UNC13B: variants seen among roughly 807,000 people sequenced by gnomAD.
The protein encoded by UNC13B is protein unc-13 homolog B.
Under a neutral mutation model 211.0 loss-of-function variants are expected in UNC13B, and 144 were observed. The observed-to-expected ratio is 0.68, with a 90% CI of 0.60 to 0.78. The LOEUF (loss-of-function observed/expected upper bound fraction) is 0.78. UNC13B is among the 30% of genes least tolerant of loss of function. The pLI is 0.00. For synonymous variants in UNC13B, 709 were observed against 725.8 expected, an observed-to-expected ratio of 0.98 and a Z score of 0.37; for missense variants, 1,777 against 2,002.0, an observed-to-expected ratio of 0.89 and a Z score of 2.14.
chr9:35,352,984 C>T (rs905980028), intron 11 of UNC13B: 33 of 1,232,028 alleles, frequency 2.7e-5, no homozygotes, highest in South Asian at 4.1e-5. Flanking sequence ...AGAGAATAAA[C>T]GCAGAGGACA....
chr9:35,188,830 A>C (rs1822500148), intron 1 of UNC13B, among the ~76,000 whole-genome samples: 1 of 152,244 alleles, frequency 6.6e-6, no homozygotes, highest in Admixed American at 6.5e-5. Flanking sequence ...AATTAATGTT[A>C]GCCCCAGTTT....
chr9:35,335,540 A>C (rs1831604484), intron 11 of UNC13B, among the ~76,000 whole-genome samples: 1 of 152,228 alleles, frequency 6.6e-6, no homozygotes. Context: ...GTGTTTATTC[A>C]GTCCTCACCT....
At chr9:35,364,883 T>C (rs774369617) in intron 11 of UNC13B, among the ~76,000 whole-genome samples, 2 of 152,234 alleles carry the variant, frequency 1.3e-5, no homozygotes, top group Non-Finnish European at 2.9e-5. Flanking sequence ...CTGATTACCC[T>C]CCTTTTCTCC....
At chr9:35,295,408 G>A (rs1342211651) in intron 7 of UNC13B, among the ~76,000 whole-genome samples, 1 of 152,154 alleles carries the variant, frequency 6.6e-6, no homozygotes, top group Non-Finnish European at 1.5e-5. Context: ...AGTTGGAGAA[G>A]CAGAATTCCA....
At chr9:35,238,847 C>T (rs1308509739) in intron 5 of UNC13B, among the ~76,000 whole-genome samples, 2 of 152,026 alleles carry the variant, frequency 1.3e-5, no homozygotes, top group South Asian at 4.1e-4. Context: ...CGTGAGCCAC[C>T]ATGCCTGGCC....
rs1363826260 is a variant in UNC13B, at chr9:35,257,329, A to ATT, written c.469-1662_469-1661dup. 1.1e-4 allele frequency among the ~76,000 whole-genome samples: 12 copies of ATT among 109,622 alleles called. No individual in the cohort carries two copies. The East Asian group carries it at 2.0e-3, about 18-fold the overall frequency. The allele number at this position is 109,622 out of a possible 152,430, so 71.9% of individuals were successfully genotyped here. On this transcript the variant is annotated intron_variant, in intron 6 of 39. Transcript: ENST00000635942. ...AAAAAATATAAATATTTATAAAAATATTTATATAAATATTTATAAAAATAT... is the reference window on the plus strand; with the variant it reads ...AAAAAATATAAATATTTATAAAAATATTTTTATATAAATATTTATAAAAATAT...
chr9:35,224,580 G>C (rs995481912), intron 1 of UNC13B, among the ~76,000 whole-genome samples: 11 of 152,118 alleles, frequency 7.2e-5, no homozygotes, highest in Non-Finnish European at 1.6e-4. Context: ...TGTGCAAAGA[G>C]GGACAATTTG....
intron 1 of UNC13B, among the ~76,000 whole-genome samples, chr9:35,209,376 T>C (rs1823842161): frequency 6.6e-6 from 1 of 151,316 alleles, no homozygotes; most frequent in South Asian, 2.1e-4. Flanking sequence ...CCTTCCACTT[T>C]AGTTATTATT....
chr9:35,362,799 CA>C (rs36011341), intron 11 of UNC13B, among the ~76,000 whole-genome samples: 20,478 of 98,788 alleles, frequency 0.21, 1,837 homozygotes, highest in East Asian at 0.38. Flanking sequence ...GACTCCGTCT[CA>C]AAAAAAAAAA....
At position 35,403,831 on chromosome 9, in the gene UNC13B, T is replaced by C. The variant is rs569837734; in HGVS notation, c.12821T>C (p.Val4274Ala). The C allele has an allele frequency of 6.2e-7, 1 of 1,614,140 alleles. No homozygotes were observed. The highest frequency in any genetic ancestry group is 1.3e-5 in the African/African-American group (1 of 75,022). The change falls in exon 40 of 40, where the codon GTG becomes GCG. Residue 4274 changes from valine to alanine, a missense_variant. Coordinates refer to ENST00000635942, the MANE Select transcript of UNC13B (RefSeq NM_001371189.2). ...TACTGCTTTGCCCGGGAAGATCGCG[T>C]GCTAGGGCTGGCTGTGATGCCTCTG... ...KDYCFAREDR[V>A]LGLAVMPLRD...
intron 11 of UNC13B, among the ~76,000 whole-genome samples, chr9:35,332,384 C>A (rs1176703158): frequency 3.9e-5 from 6 of 152,160 alleles, no homozygotes; most frequent in African/African-American, 1.4e-4. Context: ...CCCTCTTGAG[C>A]CTATTCCTTT....
intron 7 of UNC13B, among the ~76,000 whole-genome samples, chr9:35,276,395 C>T (rs1310524425): frequency 6.6e-6 from 1 of 151,724 alleles, no homozygotes; most frequent in East Asian, 1.9e-4. Flanking sequence ...TTCCCAAAAT[C>T]CTGGCCTTGA....
At chr9:35,225,929 C>T (rs1301305690) in intron 1 of UNC13B, among the ~76,000 whole-genome samples, 1 of 152,048 alleles carries the variant, frequency 6.6e-6, no homozygotes. Flanking sequence ...TGCGCCAGTC[C>T]TTGCACCACT....
chr9:35,313,597 C>T (rs1347020108), intron 10 of UNC13B, among the ~76,000 whole-genome samples: 3 of 149,334 alleles, frequency 2.0e-5, no homozygotes, highest in African/African-American at 7.4e-5. Flanking sequence ...AGCACTTCAG[C>T]CGAGGCAACA....
chr9:35,175,682 G>A (rs1263186705), intron 1 of UNC13B, among the ~76,000 whole-genome samples: 1 of 152,072 alleles, frequency 6.6e-6, no homozygotes, highest in Non-Finnish European at 1.5e-5. Context: ...GCAAGTGTAG[G>A]CTACACATTC....
chr9:35,208,828 A>C (rs1823807629), intron 1 of UNC13B, among the ~76,000 whole-genome samples: 1 of 152,078 alleles, frequency 6.6e-6, no homozygotes, highest in African/African-American at 2.4e-5. Context: ...ACAAATCGAA[A>C]CCATATCACT....
chr9:35,404,087 A>G lies in UNC13B; in HGVS notation c.*54A>G, dbSNP rs554009177. ...AGCAGCAATTTCACAAATCAGGGCC[A>G]GTGGGAGTTAGCTGTGTAACCGGCT... On this transcript the variant is annotated 3_prime_UTR_variant, in exon 40 of 40. Transcript: ENST00000635942. The G allele has an allele frequency of 1.3e-6, 2 of 1,577,336 alleles. No individual in the cohort carries two copies. Among genetic ancestry groups the G allele is most frequent in the East Asian group, 2.2e-5 (1 of 44,486 alleles).
chr9:35,260,898 C>T (rs1469463932), intron 7 of UNC13B, among the ~76,000 whole-genome samples: 1 of 152,046 alleles, frequency 6.6e-6, no homozygotes, highest in East Asian at 1.9e-4. Flanking sequence ...TTCCTGGTCT[C>T]ATTGATGAAA....
intron 1 of UNC13B, among the ~76,000 whole-genome samples, chr9:35,178,511 A>G (rs551883666): frequency 6.6e-6 from 1 of 151,838 alleles, no homozygotes; most frequent in African/African-American, 2.4e-5. Flanking sequence ...AAAAAAGAAC[A>G]AACAAAAAAA....
Sources: allele counts gnomAD v4.1 joint callset (sites outside exome capture counted in the v4.1 genomes callset), GRCh38; gene constraint gnomAD v4.1.1; transcripts MANE v1.5; gene names NCBI Gene and HGNC (gene_info 2026-07-23, HGNC 2026-07-21).